The following SPRYD7 variants were observed in gnomAD, a reference collection of about 807,000 sequenced individuals.
SPRYD7 encodes SPRY domain containing 7.
A neutral mutation model predicts 23.8 loss-of-function variants in SPRYD7; 14 were observed. The observed-to-expected ratio is 0.59, with a 90% CI of 0.39 to 0.92. SPRYD7 has a LOEUF of 0.92. SPRYD7 is among the 40% of genes least tolerant of loss of function. The pLI is 0.00. For synonymous variants in SPRYD7, 75 were observed against 84.9 expected (o/e 0.88, Z 0.64); for missense variants, 194 against 241.7 (o/e 0.80, Z 1.31).
Position 49,914,945 on chromosome 13 carries a change from A to T in SPRYD7, c.*118T>A. On this transcript the variant is annotated 3_prime_UTR_variant, in exon 5 of 5. Coordinates refer to ENST00000361840, the MANE Select transcript of SPRYD7 (RefSeq NM_020456.4). ...TATACTGAATACATTGGTTCCTTAG[A>T]CAGCATCAACAAGCATATTTTTAAG... The T allele has an allele frequency of 2.0e-6, 1 of 504,672 alleles. No individual in the cohort carries two copies. The highest frequency in any genetic ancestry group is 3.5e-6 in the Non-Finnish European group (1 of 285,258). 31.3% of individuals were successfully genotyped at this position (504,672 alleles called of 1,614,324 possible).
intron 4 of SPRYD7, among the ~76,000 whole-genome samples, chr13:49,917,924 A>G (rs541499708): frequency 9.8e-5 from 15 of 152,350 alleles, no homozygotes; most frequent in African/African-American, 3.4e-4. Context: ...AGGAGAAAAG[A>G]AGGCTAATGA....
At chr13:49,932,773 G>A (rs775536888) in intron 1 of SPRYD7, among the ~76,000 whole-genome samples, 1 of 152,166 alleles carries the variant, frequency 6.6e-6, no homozygotes, top group Non-Finnish European at 1.5e-5. Context: ...AAAATTTTCA[G>A]ATTCTAACAC....
At chr13:49,929,339 G>A (rs1249551518) in intron 2 of SPRYD7, among the ~76,000 whole-genome samples, 2 of 152,034 alleles carry the variant, frequency 1.3e-5, no homozygotes, top group Non-Finnish European at 2.9e-5. Flanking sequence ...AAATAATTTA[G>A]AAAATAAGCC....
rs573943957 is a variant in SPRYD7, at chr13:49,914,328, T to C, written c.*735A>G. On this transcript the variant is annotated 3_prime_UTR_variant, in exon 5 of 5. Coordinates refer to ENST00000361840, the MANE Select transcript of SPRYD7 (RefSeq NM_020456.4). The stretch of plus-strand genomic sequence containing the variant: ...CTTACAGAAAACATACAAATAAAAG[T>C]CCTTAAAAGAATAACCTCATTTAAA... 9 of 153,820 alleles carry C rather than the reference T, an allele frequency of 5.9e-5. No homozygotes were observed. The highest frequency in any genetic ancestry group is 1.9e-4 in the African/African-American group (8 of 41,576). The allele number at this position is 153,820 out of a possible 1,614,324, so 9.5% of individuals were successfully genotyped here. A position where few individuals can be genotyped will look rare whatever the true frequency, so the allele number is the denominator to read the frequency against.
chr13:49,933,306 A>G (rs1871464336), intron 1 of SPRYD7, among the ~76,000 whole-genome samples: 1 of 152,156 alleles, frequency 6.6e-6, no homozygotes, highest in Non-Finnish European at 1.5e-5. Context: ...GCACAATGGG[A>G]TATAACACTC....
Position 49,914,393 on chromosome 13 carries a change from A to G in SPRYD7, c.*670T>C, listed in dbSNP as rs1397965592. The G allele has an allele frequency of 6.5e-6, 1 of 153,226 alleles. No homozygotes were observed. Among genetic ancestry groups the G allele is most frequent in the Non-Finnish European group, 1.5e-5 (1 of 68,020 alleles). The allele number at this position is 153,226 out of a possible 1,614,324, so 9.5% of individuals were successfully genotyped here. On this transcript the variant is annotated 3_prime_UTR_variant, in exon 5 of 5. Coordinates refer to ENST00000361840, the MANE Select transcript of SPRYD7 (RefSeq NM_020456.4). ...CTATTCTAGATGTCTGCCAGTGTAT[A>G]CTACATTACTAATCAACCACTACTT...
intron 2 of SPRYD7, among the ~76,000 whole-genome samples, chr13:49,928,594 C>T (rs1234720876): frequency 6.6e-6 from 1 of 152,190 alleles, no homozygotes; most frequent in Non-Finnish European, 1.5e-5. Context: ...ATTACCTAAC[C>T]TCTCTTTGTT....
Position 49,931,089 on chromosome 13 carries a change from G to C in SPRYD7, c.152C>G (p.Thr51Arg), listed in dbSNP as rs759494732. 8 of 1,613,372 alleles carry C rather than the reference G, an allele frequency of 5.0e-6. 1 individual carries two copies. In the South Asian group the frequency reaches 8.8e-5, roughly 18 times the overall value. ...IVKNGRRICG[T>R]GGCLASAPLH... ...AGGTGCGCTGGCTAAACAACCTCCT[G>C]TTCCACATATTCTTCTTCCATTCTT... is the stretch of plus-strand genomic sequence containing the variant. The change falls in exon 2 of 5, where the codon ACA becomes AGA. Residue 51 changes from threonine to arginine, a missense_variant. Coordinates refer to ENST00000361840, the MANE Select transcript of SPRYD7 (RefSeq NM_020456.4).
chr13:49,931,340 T>C (rs999519619), intron 1 of SPRYD7, among the ~76,000 whole-genome samples: 1 of 152,088 alleles, frequency 6.6e-6, no homozygotes, highest in African/African-American at 2.4e-5. Flanking sequence ...CCACCACACC[T>C]GGCTAAATTT....
chr13:49,928,738 G>A (rs553806395), intron 2 of SPRYD7, among the ~76,000 whole-genome samples: 1 of 152,188 alleles, frequency 6.6e-6, no homozygotes, highest in Non-Finnish European at 1.5e-5. Context: ...CACACAGTAA[G>A]TATTCAGAAA....
chr13:49,919,996 G>C (rs1456938365), intron 4 of SPRYD7, among the ~76,000 whole-genome samples: 1 of 151,994 alleles, frequency 6.6e-6, no homozygotes, highest in Non-Finnish European at 1.5e-5. Context: ...TTTGAAGCTG[G>C]CTGATGGGTA....
At chr13:49,933,732 T>C (rs937200796) in intron 1 of SPRYD7, among the ~76,000 whole-genome samples, 4 of 152,160 alleles carry the variant, frequency 2.6e-5, no homozygotes, top group East Asian at 1.9e-4. Context: ...CTTTTAATGA[T>C]TGGTGCTGCT....
In SPRYD7 at chr13:49,915,115, T is replaced by C; in HGVS notation, c.539A>G (p.His180Arg). 1 of 1,575,798 alleles carries C rather than the reference T, an allele frequency of 6.3e-7. No individual in the cohort carries two copies. The highest frequency in any genetic ancestry group is 8.6e-7 in the Non-Finnish European group (1 of 1,159,298). The part of the protein sequence containing the change: ...ILDCQFSEFY[H>R]TPPPGFEKIL... ...TTTTTCAAAACCAGGTGGAGGCGTA[T>C]GATAAAACTCACTGAACTGGCAATC... Residue 180 changes from histidine (H) to arginine (R), a missense_variant, in exon 5 of 5, where the codon CAT (histidine) becomes CGT (arginine). By Grantham distance (29) the His-to-Arg change is conservative. Coordinates refer to ENST00000361840, the MANE Select transcript of SPRYD7 (RefSeq NM_020456.4).
At chr13:49,921,355 C>T in intron 4 of SPRYD7, 123 bp downstream of exon 4, 3 of 641,614 alleles carry the variant, frequency 4.7e-6, no homozygotes, top group Non-Finnish European at 8.2e-6. Flanking sequence ...GTCAATTAAA[C>T]CTCTTTCCTT....
chr13:49,922,751 C>T (rs1439752040), intron 3 of SPRYD7, among the ~76,000 whole-genome samples: 4 of 152,114 alleles, frequency 2.6e-5, no homozygotes, highest in South Asian at 4.1e-4. Context: ...AGAAGCAAAC[C>T]ACTTCAAGGA....
chr13:49,922,965 T>C (rs1277936732), intron 3 of SPRYD7, among the ~76,000 whole-genome samples: 1 of 152,192 alleles, frequency 6.6e-6, no homozygotes, highest in Non-Finnish European at 1.5e-5. Context: ...CAATTATTAA[T>C]AATTAAGGAA....
intron 3 of SPRYD7, among the ~76,000 whole-genome samples, chr13:49,926,140 T>C (rs1955880363): frequency 6.6e-6 from 1 of 152,240 alleles, no homozygotes; most frequent in South Asian, 2.1e-4. Flanking sequence ...GCTCTGCATG[T>C]ATTTCATAGT....
intron 4 of SPRYD7, among the ~76,000 whole-genome samples, chr13:49,917,595 T>C (rs536829870): frequency 2.6e-5 from 4 of 152,354 alleles, no homozygotes; most frequent in African/African-American, 9.6e-5. Context: ...CTTGGTTTAA[T>C]TGGACTGATT....
In SPRYD7 at chr13:49,921,530, G is replaced by A. The variant is rs947842257; in HGVS notation, c.441C>T (p.Asn147=). 1.9e-6 allele frequency: 3 copies of A among 1,613,524 alleles called. No homozygotes were observed. Among genetic ancestry groups the A allele is most frequent in the African/African-American group, 1.3e-5 (1 of 75,022 alleles). The change falls in exon 4 of 5, where the codon AAC becomes AAT. Residue 147 remains asparagine, a synonymous_variant. Coordinates refer to ENST00000361840, the MANE Select transcript of SPRYD7 (RefSeq NM_020456.4). ...GTATACCTGATGCTGGACAATGCAT[G>A]TTTTTTCCATTCAAGTATACATTTA... ...VELNVYLNGK[N]MHCPASGIRG...
Sources: allele counts gnomAD v4.1 joint callset (sites outside exome capture counted in the v4.1 genomes callset), GRCh38; gene constraint gnomAD v4.1.1; transcripts MANE v1.5; gene names NCBI Gene and HGNC (gene_info 2026-07-23, HGNC 2026-07-21).